The following CD82 variants were observed in gnomAD, a reference collection of about 807,000 sequenced individuals.
CD82 encodes CD82 molecule, also known as CD82 antigen.
CD82 carries 36 observed loss-of-function variants against 37.4 expected under a neutral mutation model. The observed-to-expected ratio is 0.96, with a 90% CI of 0.74 to 1.27. CD82 has a LOEUF of 1.27. CD82 is among the 50% of genes most tolerant of loss of function. The pLI, the probability that CD82 is intolerant of heterozygous loss-of-function variation, is 0.00. For synonymous variants in CD82, 158 were observed against 137.4 expected (o/e 1.15, Z -1.05); for missense variants, 340 against 347.0 (o/e 0.98, Z 0.16).
intron 6 of CD82, chr11:44,607,866 T>G (rs1272390239): frequency 6.6e-6 from 1 of 152,172 alleles, no homozygotes; most frequent in East Asian, 1.9e-4. Flanking sequence ...GAGCTTAGCC[T>G]CAGAGGTGTC....
At chr11:44,594,868 G>A (rs1418225936) in intron 3 of CD82, 143 bp downstream of exon 3, 15 of 681,678 alleles carry the variant, frequency 2.2e-5, no homozygotes, top group Non-Finnish European at 3.7e-5. Context: ...TATCTCCAAC[G>A]GAACCTAGTT....
At chr11:44,601,246 G>A (rs1162890736) in intron 4 of CD82, among the ~76,000 whole-genome samples, 10 of 152,220 alleles carry the variant, frequency 6.6e-5, no homozygotes, top group East Asian at 1.9e-4. Flanking sequence ...TACATAAAGC[G>A]GAACCTAGCT....
chr11:44,596,925 T>C (rs1308664256), intron 3 of CD82: 11 of 456,036 alleles, frequency 2.4e-5, no homozygotes, highest in Admixed American at 9.4e-5. Flanking sequence ...TAGGAACAGA[T>C]AGGCTCTTCG....
At position 44,619,181 on chromosome 11, in the gene CD82, G is replaced by A. The variant is rs952097761; in HGVS notation, c.*55G>A. ...GCCCCCAACCTCAGGGCTCCCAGGG[G>A]TCTCCCTGGCTCCCTCCTCCAGGCC... On this transcript the variant is annotated 3_prime_UTR_variant, in exon 10 of 10. Coordinates refer to ENST00000227155, the MANE Select transcript of CD82 (RefSeq NM_002231.4). 1.0e-5 allele frequency: 14 copies of A among 1,396,360 alleles called. No individual in the cohort carries two copies. In the South Asian group the frequency reaches 1.2e-4, roughly 11 times the overall value. 86.5% of individuals were successfully genotyped at this position (1,396,360 alleles called of 1,614,324 possible).
Position 44,619,053 on chromosome 11 carries a change from T to C in CD82, c.731T>C (p.Leu244Pro). 2 of 1,612,288 alleles carry C rather than the reference T, an allele frequency of 1.2e-6. No individual in the cohort carries two copies. The highest frequency in any genetic ancestry group is 1.7e-6 in the Non-Finnish European group (2 of 1,179,406). The part of the protein sequence containing the change: ...VGVGVAIIEL[L>P]GMVLSICLCR... ...ACTCTCCGCCTCTCCCCACAGCTCCTGGGGATGGTCCTGTCCATCTGCTTG... is the reference window on the plus strand; with the variant it reads ...ACTCTCCGCCTCTCCCCACAGCTCCCGGGGATGGTCCTGTCCATCTGCTTG... Residue 244 changes from leucine (L) to proline (P), a missense_variant, in exon 10 of 10, where the codon CTG becomes CCG. By Grantham distance (98) the Leu-to-Pro change is moderately conservative. Coordinates refer to ENST00000227155, the MANE Select transcript of CD82 (RefSeq NM_002231.4).
chr11:44,618,031 T>A (rs1186682336), intron 7 of CD82, 131 bp from the exon 8 acceptor site: 1 of 700,654 alleles, frequency 1.4e-6, no homozygotes, highest in African/African-American at 1.8e-5. Context: ...TTTATGATGG[T>A]TCGGCTGGGA....
At chr11:44,582,490 C>CT (rs1246922754) in intron 1 of CD82, among the ~76,000 whole-genome samples, 1 of 152,034 alleles carries the variant, frequency 6.6e-6, no homozygotes, top group Admixed American at 6.5e-5. Context: ...TTGGAGGGTC[C>CT]TAGATAGTCT....
In CD82 at chr11:44,604,976, G is replaced by C. The variant is rs144425919; in HGVS notation, c.137-82G>C. On this transcript the variant is annotated intron_variant, in intron 4 of 9. Transcript: ENST00000227155. ...CCCAACACCCTGGCTCCAAAGAGGG[G>C]ATCCGGAAGAAGACCTGGACGGTTA... is the stretch of plus-strand genomic sequence containing the variant. 2.5e-6 allele frequency: 4 copies of C among 1,598,166 alleles called. No individual in the cohort carries two copies. The African/African-American group carries it at 5.4e-5, about 21-fold the overall frequency.
At chr11:44,592,705 C>G (rs1170156373) in intron 2 of CD82, among the ~76,000 whole-genome samples, 5 of 152,156 alleles carry the variant, frequency 3.3e-5, no homozygotes, top group Admixed American at 2.6e-4. Context: ...TTCCTGGGCA[C>G]GGGGAAGTCA....
At chr11:44,618,432 C>T in intron 8 of CD82, 67 bp downstream of exon 8, 3 of 1,380,856 alleles carry the variant, frequency 2.2e-6, no homozygotes, top group Admixed American at 1.8e-5. Context: ...GGCTACTGCT[C>T]AGCAATTCCT....
At chr11:44,607,649 C>A (rs1853417096) in intron 6 of CD82, among the ~76,000 whole-genome samples, 4 of 152,182 alleles carry the variant, frequency 2.6e-5, no homozygotes, top group Non-Finnish European at 5.9e-5. Context: ...AAGTGAGCTG[C>A]AATACATGTT....
At chr11:44,599,479 G>T (rs1280015776) in intron 3 of CD82, among the ~76,000 whole-genome samples, 2 of 152,222 alleles carry the variant, frequency 1.3e-5, no homozygotes, top group Non-Finnish European at 2.9e-5. Flanking sequence ...TTGCAGTTTG[G>T]TTCATCAGCT....
At chr11:44,587,898 C>G (rs189898251) in intron 2 of CD82, 230 of 276,932 alleles carry the variant, frequency 8.3e-4, no homozygotes, top group African/African-American at 4.6e-3. Flanking sequence ...TGGCCGAGAA[C>G]TTGAAAGCCC....
intron 9 of CD82, 94 bp downstream of exon 9, chr11:44,618,817 G>A (rs1451296174): frequency 6.3e-6 from 7 of 1,110,464 alleles, no homozygotes; most frequent in African/African-American, 1.5e-5. Context: ...GGCCAAGGGG[G>A]CCAGCACCCC....
intron 4 of CD82, among the ~76,000 whole-genome samples, chr11:44,601,274 G>C (rs947004400): frequency 1.3e-5 from 2 of 152,038 alleles, no homozygotes; most frequent in South Asian, 4.1e-4. Context: ...GATGATGGAG[G>C]GGCCACATCT....
chr11:44,565,337 G>T (rs1399430618), upstream of CD82, among the ~76,000 whole-genome samples: 1 of 152,180 alleles, frequency 6.6e-6, no homozygotes, highest in Non-Finnish European at 1.5e-5. Context: ...GAGCTGGGCG[G>T]GACCGTTAGG....
chr11:44,576,015 A>G (rs948558360), intron 1 of CD82, among the ~76,000 whole-genome samples: 2 of 152,208 alleles, frequency 1.3e-5, no homozygotes, highest in African/African-American at 4.8e-5. Context: ...ACCGGCCCCA[A>G]GTGAGAGGCC....
chr11:44,567,177 T>C (rs1852747975), intron 1 of CD82, among the ~76,000 whole-genome samples: 1 of 152,170 alleles, frequency 6.6e-6, no homozygotes, highest in East Asian at 1.9e-4. Context: ...AATCCAGCTA[T>C]ACCATTGCAC....
intron 4 of CD82, 130 bp from the exon 5 acceptor site, chr11:44,604,928 G>A: frequency 7.6e-7 from 1 of 1,310,414 alleles, no homozygotes; most frequent in South Asian, 1.2e-5. Context: ...GCAGTGAGAA[G>A]CCAGCAGGGG....
Sources: allele counts gnomAD v4.1 joint callset (sites outside exome capture counted in the v4.1 genomes callset), GRCh38; gene constraint gnomAD v4.1.1; transcripts MANE v1.5; gene names NCBI Gene and HGNC (gene_info 2026-07-23, HGNC 2026-07-21).